Variants in ACTG1 observed in about 807,000 individuals in gnomAD.
The protein encoded by ACTG1 is actin gamma 1.
ACTG1 carries 14 observed loss-of-function variants against 34.3 expected under a neutral mutation model. The ratio of observed to expected loss-of-function variants is 0.41; its 90% confidence interval spans 0.27 to 0.64. ACTG1 has a LOEUF of 0.64. Among genes scored for constraint, ACTG1 ranks in the 30% least tolerant of loss-of-function variants. ACTG1 has a pLI of 0.33. For synonymous variants in ACTG1, 422 were observed against 213.9 expected (o/e 1.97, Z -8.49); for missense variants, 233 against 529.5 (o/e 0.44, Z 5.50).
In ACTG1 at chr17:81,511,243, G is replaced by A. The variant is rs1555666630; in HGVS notation, c.747C>T (p.Thr249=). 4 of 1,613,814 alleles carry A rather than the reference G, an allele frequency of 2.5e-6. No homozygotes were observed. The highest frequency in any genetic ancestry group is 3.3e-4 in the Middle Eastern group (2 of 6,060). ...GACACCGGAACCGCTCATTGCCAAT[G>A]GTGATGACCTGGCCATCGGGCAGCT... is the stretch of plus-strand genomic sequence containing the variant. ...SYELPDGQVI[T]IGNERFRCPE... The change falls in exon 4 of 6, where the codon ACC becomes ACT. Residue 249 remains threonine (T), a synonymous_variant. Coordinates refer to ENST00000573283, the MANE Select transcript of ACTG1 (RefSeq NM_001614.5).
chr17:81,510,090 C>T lies in ACTG1; in HGVS notation c.*600G>A, dbSNP rs7502276. The T allele has an allele frequency of 3.7e-3, 1,697 of 458,856 alleles. 25 individuals are homozygous for T. Among genetic ancestry groups the T allele is most frequent in the African/African-American group, 0.032 (1,582 of 49,964 alleles). 28.4% of individuals were successfully genotyped at this position (458,856 alleles called of 1,614,324 possible). A position where few individuals can be genotyped will look rare whatever the true frequency, so the allele number is the denominator to read the frequency against. ...CATCTCTTCAAAGAATCGAGAATTG[C>T]GTACAAAAAAAACCTTACATAAATT... On this transcript the variant is annotated 3_prime_UTR_variant, in exon 6 of 6. Transcript: ENST00000573283.
In ACTG1 at chr17:81,510,543, A is replaced by T. The variant is rs369082132; in HGVS notation, c.*147T>A. On this transcript the variant is annotated 3_prime_UTR_variant, in exon 6 of 6. Transcript: ENST00000573283. ...CAACAAGTTCTACAATCCAGTGCTG[A>T]TATCAGATACAAGCTTCAAGGACAA... 2 of 1,006,006 alleles carry T rather than the reference A, an allele frequency of 2.0e-6. No homozygotes were observed. The highest frequency in any genetic ancestry group is 1.9e-5 in the Admixed American group (1 of 52,036). The allele number at this position is 1,006,006 out of a possible 1,614,324, so 62.3% of individuals were successfully genotyped here.
chr17:81,511,954 C>T lies in ACTG1; in HGVS notation c.312G>A (p.Leu104=). The T allele has an allele frequency of 6.2e-7, 1 of 1,614,102 alleles. No individual in the cohort carries two copies. Among genetic ancestry groups the T allele is most frequent in the Admixed American group, 1.7e-5 (1 of 60,026 alleles). Residue 104 remains leucine, a synonymous_variant, in exon 3 of 6, where the codon CTG becomes CTA. Coordinates refer to ENST00000573283, the MANE Select transcript of ACTG1 (RefSeq NM_001614.5). ...LRVAPEEHPV[L]LTEAPLNPKA... is the part of the protein sequence containing the mutation. ...TGGGGTTCAGGGGGGCCTCGGTCAG[C>T]AGCACTGGGTGCTCCTCCGGGGCCA... is the stretch of plus-strand genomic sequence containing the variant.
chr17:81,512,340 G>T lies in ACTG1; in HGVS notation c.15C>A (p.Ile5=), dbSNP rs199657153. ...AGCCATTGTCAATGACCAGCGCGGCGATCTCTTCTTCCATTGCGACCTGCC... is the reference window on the plus strand; with the variant it reads ...AGCCATTGTCAATGACCAGCGCGGCTATCTCTTCTTCCATTGCGACCTGCC... MEEE[I]AALVIDNGSG... is the part of the protein sequence containing the mutation. The change falls in exon 2 of 6, where the codon ATC becomes ATA. Residue 5 remains isoleucine (I), a synonymous_variant. Coordinates refer to ENST00000573283, the MANE Select transcript of ACTG1 (RefSeq NM_001614.5). The T allele has an allele frequency of 4.5e-5, 73 of 1,613,960 alleles. 1 individual carries two copies. The East Asian group carries it at 1.6e-3, about 35-fold the overall frequency.
intron 4 of ACTG1, 21 bp downstream of exon 4, chr17:81,511,167 C>T (rs375103343): frequency 5.0e-6 from 8 of 1,613,572 alleles, no homozygotes; most frequent in Non-Finnish European, 6.8e-6. Flanking sequence ...AGAGTAGAAA[C>T]CTTTAGCTCA....
intron 3 of ACTG1, 119 bp downstream of exon 3, chr17:81,511,784 T>C: frequency 6.4e-7 from 1 of 1,568,176 alleles, no homozygotes; most frequent in African/African-American, 1.4e-5. Context: ...AGGGAGGAAA[T>C]GCCGGGAGAG....
rs782608976 is a variant in ACTG1 at position 81,511,112 on chromosome 17, G to C, written c.803-4C>G. On this transcript the variant is annotated splice_polypyrimidine_tract_variant and splice_region_variant and intron_variant, in intron 4 of 5. Coordinates refer to ENST00000573283, the MANE Select transcript of ACTG1 (RefSeq NM_001614.5). ...TGGATGCCGCAAGATTCCATACCTAGGGGACAGAGCCCTCCCTTAGTGATG... is the reference window on the plus strand; with the variant it reads ...TGGATGCCGCAAGATTCCATACCTACGGGACAGAGCCCTCCCTTAGTGATG... The C allele has an allele frequency of 6.2e-7, 1 of 1,613,868 alleles. No individual in the cohort carries two copies. Among genetic ancestry groups the C allele is most frequent in the Admixed American group, 1.7e-5 (1 of 60,002 alleles).
In ACTG1 at chr17:81,510,830, T is replaced by C. The variant is rs1555666399; in HGVS notation, c.988A>G (p.Ile330Val). The change falls in exon 6 of 6, where the codon ATC becomes GTC. Residue 330 changes from isoleucine (I) to valine (V), a missense_variant. Physicochemically the swap from Ile to Val is conservative, Grantham distance 29. Coordinates refer to ENST00000573283, the MANE Select transcript of ACTG1 (RefSeq NM_001614.5). ...GAGTACTTGCGCTCTGGGGGTGCGATGATCTGCAAAGACAGCCAGGCACGG... is the reference window on the plus strand; with the variant it reads ...GAGTACTTGCGCTCTGGGGGTGCGACGATCTGCAAAGACAGCCAGGCACGG... ...LAPSTMKIKI[I>V]APPERKYSVW... is the part of the protein sequence containing the mutation. The C allele has an allele frequency of 6.2e-7, 1 of 1,613,792 alleles. No homozygotes were observed.
chr17:81,511,305 T>C lies in ACTG1; in HGVS notation c.685A>G (p.Thr229Ala). The change falls in exon 4 of 6, where the codon ACC (threonine) becomes GCC (alanine). Residue 229 changes from threonine to alanine, a missense_variant. Physicochemically the swap from Thr to Ala is moderately conservative, Grantham distance 58. Transcript: ENST00000573283. Reference protein sequence around the residue: ...VALDFEQEMATAASSSSLEKS... With the variant: ...VALDFEQEMAAAASSSSLEKS... Reference sequence around the variant, plus strand: ...TCCAGAGAAGAGGAGGATGCGGCGGTGGCCATCTCCTGCTCGAAGTCCAGG... The same window carrying C: ...TCCAGAGAAGAGGAGGATGCGGCGGCGGCCATCTCCTGCTCGAAGTCCAGG... 2 of 1,613,642 alleles carry C rather than the reference T, an allele frequency of 1.2e-6. No homozygotes were observed. Among genetic ancestry groups the C allele is most frequent in the Non-Finnish European group, 1.7e-6 (2 of 1,180,030 alleles).
chr17:81,512,597 C>T, intron 1 of ACTG1, 137 bp downstream of exon 1: 1 of 622,370 alleles, frequency 1.6e-6, no homozygotes, highest in Non-Finnish European at 2.7e-6. Flanking sequence ...CCAGCCCCGT[C>T]CGCCTGACCC....
intron 1 of ACTG1, 51 bp downstream of exon 1, chr17:81,512,683 G>A (rs1555667492): frequency 7.5e-6 from 3 of 401,646 alleles, no homozygotes; most frequent in East Asian, 1.3e-4. Flanking sequence ...GCCGGGGTCG[G>A]GGGGCGCAGG....
intron 1 of ACTG1, 164 bp downstream of exon 1, chr17:81,512,570 G>A (rs2031883916): frequency 1.3e-5 from 10 of 770,816 alleles, no homozygotes; most frequent in East Asian, 5.7e-5. Context: ...GCCCCGCCCT[G>A]GACCCCCGGC....
At position 81,510,603 on chromosome 17, in the gene ACTG1, C is replaced by G; in HGVS notation, c.*87G>C. ...GAAGGCTTATTCCAGTTTCGTGAGG[C>G]TAGCATGAGGTGTGTGCATTTGCCA... is the stretch of plus-strand genomic sequence containing the variant. On this transcript the variant is annotated 3_prime_UTR_variant, in exon 6 of 6. Coordinates refer to ENST00000573283, the MANE Select transcript of ACTG1 (RefSeq NM_001614.5). The G allele has an allele frequency of 6.5e-7, 1 of 1,544,874 alleles. No individual in the cohort carries two copies.
chr17:81,511,413 G>C lies in ACTG1; in HGVS notation c.577C>G (p.Leu193Val). ...RDLTDYLMKI[L>V]TERGYSFTTT... ...GTGAAGCTGTAGCCTCGCTCAGTGA[G>C]GATCTTCATGAGGTAGTCGGTCAGG... The change falls in exon 4 of 6, where the codon CTC becomes GTC. Residue 193 changes from leucine to valine, a missense_variant. Coordinates refer to ENST00000573283, the MANE Select transcript of ACTG1 (RefSeq NM_001614.5). 6.2e-7 allele frequency: 1 copy of C among 1,613,968 alleles called. No individual in the cohort carries two copies. The highest frequency in any genetic ancestry group is 8.5e-7 in the Non-Finnish European group (1 of 1,180,046).
At position 81,510,795 on chromosome 17, in the gene ACTG1, G is replaced by T. The variant is rs140865670; in HGVS notation, c.1023C>A (p.Ile341=). The part of the protein sequence containing the change: ...APPERKYSVW[I]GGSILASLST... ...ACAGTGAGGCCAGGATGGAGCCACC[G>T]ATCCACACCGAGTACTTGCGCTCTG... Residue 341 remains isoleucine, a synonymous_variant, in exon 6 of 6, where the codon ATC becomes ATA. Transcript: ENST00000573283. The T allele has an allele frequency of 1.2e-6, 2 of 1,613,560 alleles. No individual in the cohort carries two copies. Among genetic ancestry groups the T allele is most frequent in the Admixed American group, 1.7e-5 (1 of 59,954 alleles).
Position 81,511,986 on chromosome 17 carries a change from G to A in ACTG1, c.280C>T (p.Leu94=), listed in dbSNP as rs782388764. 1.2e-5 allele frequency: 19 copies of A among 1,614,010 alleles called. No individual in the cohort carries two copies. The highest frequency in any genetic ancestry group is 5.5e-5 in the South Asian group (5 of 91,092). ...KIWHHTFYNE[L]RVAPEEHPVL... is the part of the protein sequence containing the mutation. ...GGGTGCTCCTCCGGGGCCACGCGCA[G>A]CTCGTTGTAGAAGGTGTGGTGCCAG... The change falls in exon 3 of 6, where the codon CTG becomes TTG. Residue 94 remains leucine (L), a synonymous_variant. Coordinates refer to ENST00000573283, the MANE Select transcript of ACTG1 (RefSeq NM_001614.5).
At position 81,512,722 on chromosome 17, in the gene ACTG1, C is replaced by G. The variant is rs1305045844; in HGVS notation, c.-7+12G>C. ...GCGACGTCCAGCTCAGGCCCCGGGG[C>G]GGGGCGCTCACCGGCAGAGAAACGC... is the stretch of plus-strand genomic sequence containing the variant. On this transcript the variant is annotated intron_variant, in intron 1 of 5. Transcript: ENST00000573283. The G allele has an allele frequency of 2.5e-6, 1 of 406,140 alleles. No homozygotes were observed. Among genetic ancestry groups the G allele is most frequent in the Non-Finnish European group, 4.7e-6 (1 of 211,226 alleles). The allele number at this position is 406,140 out of a possible 1,614,324, so 25.2% of individuals were successfully genotyped here.
In ACTG1 at chr17:81,510,367, C is replaced by T. The variant is rs1478319979; in HGVS notation, c.*323G>A. 3 of 464,298 alleles carry T rather than the reference C, an allele frequency of 6.5e-6. No individual in the cohort carries two copies. Among genetic ancestry groups the T allele is most frequent in the Non-Finnish European group, 1.2e-5 (3 of 246,448 alleles). The allele number at this position is 464,298 out of a possible 1,614,324, so 28.8% of individuals were successfully genotyped here. A position where few individuals can be genotyped will look rare whatever the true frequency, so the allele number is the denominator to read the frequency against. Reference sequence around the variant, plus strand: ...GAGGCTGCTGGCCACACAGACTCACCAAGCCACAGACTTGTCTTCCACAAG... The same window carrying T: ...GAGGCTGCTGGCCACACAGACTCACTAAGCCACAGACTTGTCTTCCACAAG... On this transcript the variant is annotated 3_prime_UTR_variant, in exon 6 of 6. Coordinates refer to ENST00000573283, the MANE Select transcript of ACTG1 (RefSeq NM_001614.5).
At position 81,511,655 on chromosome 17, in the gene ACTG1, A is replaced by G. The variant is rs200814782; in HGVS notation, c.364-29T>C. 2.2e-5 allele frequency: 36 copies of G among 1,606,036 alleles called. No individual in the cohort carries two copies. In the African/African-American group the frequency reaches 4.7e-4, roughly 21 times the overall value. On this transcript the variant is annotated intron_variant, in intron 3 of 5. Transcript: ENST00000573283. Reference sequence around the variant, plus strand: ...AGAAGGGACAAGGGGCGGCTTAGTCAGGGACAGAGACCCACGGCCACCCCA... The same window carrying G: ...AGAAGGGACAAGGGGCGGCTTAGTCGGGGACAGAGACCCACGGCCACCCCA...
Sources: allele counts gnomAD v4.1 joint callset, GRCh38; gene constraint gnomAD v4.1.1; transcripts MANE v1.5; gene names NCBI Gene and HGNC (gene_info 2026-07-23, HGNC 2026-07-21).